The following CDK14 variants were observed in gnomAD, a reference collection of about 807,000 sequenced individuals.
CDK14 encodes the protein cyclin-dependent kinase 14.
Under a neutral mutation model 60.7 loss-of-function variants are expected in CDK14, and 34 were observed. That is an observed-to-expected ratio of 0.56 (90% CI 0.43 to 0.75). The LOEUF is 0.75. CDK14 is among the 30% of genes least tolerant of loss of function. CDK14 has a pLI of 0.00. For synonymous variants in CDK14, 197 were observed against 203.7 expected, an observed-to-expected ratio of 0.97 and a Z score of 0.28; for missense variants, 482 against 564.1, an observed-to-expected ratio of 0.85 and a Z score of 1.47.
chr7:91,127,956 T>A (rs991018734), intron 14 of CDK14, among the ~76,000 whole-genome samples: 4 of 152,212 alleles, frequency 2.6e-5, no homozygotes, highest in Admixed American at 6.5e-5. Flanking sequence ...AGCCTTTTTT[T>A]AAACATAAAT....
At chr7:91,161,007 C>T (rs1801153865) in intron 14 of CDK14, among the ~76,000 whole-genome samples, 1 of 152,110 alleles carries the variant, frequency 6.6e-6, no homozygotes, top group Admixed American at 6.5e-5. Context: ...TCTGGGAGCT[C>T]AGAGTTTAAT....
chr7:90,818,749 T>A (rs1361822973), intron 5 of CDK14, among the ~76,000 whole-genome samples: 1 of 152,214 alleles, frequency 6.6e-6, no homozygotes, highest in Non-Finnish European at 1.5e-5. Context: ...GAATTTGCAG[T>A]GTGTTTAATA....
intron 8 of CDK14, among the ~76,000 whole-genome samples, chr7:90,937,438 G>A (rs1309154706): frequency 6.6e-6 from 1 of 152,134 alleles, no homozygotes; most frequent in East Asian, 1.9e-4. Context: ...ATCAAGTTTT[G>A]TAGAACACTT....
intron 14 of CDK14, among the ~76,000 whole-genome samples, chr7:91,159,905 G>T (rs1488011431): frequency 6.6e-6 from 1 of 152,158 alleles, no homozygotes; most frequent in Non-Finnish European, 1.5e-5. Context: ...GAGCTGCTGA[G>T]TTCTGGTGAG....
chr7:90,790,728 G>T (rs965606381), intron 5 of CDK14, 76 bp downstream of exon 5: 12 of 855,654 alleles, frequency 1.4e-5, no homozygotes, highest in Non-Finnish European at 2.3e-5. Flanking sequence ...ATACACCTCT[G>T]AATATGCTGA....
rs369515639 is a variant in CDK14, at chr7:91,155,364, A to G, written c.*28+37156A>G. Among the ~76,000 whole-genome samples, 114 of 152,364 alleles carry G rather than the reference A, an allele frequency of 7.5e-4. 4 individuals are homozygous for G. In the South Asian group the frequency reaches 0.023, roughly 31 times the overall value. On this transcript the variant is annotated intron_variant, in intron 14 of 14. Coordinates refer to ENST00000380050, the MANE Select transcript of CDK14 (RefSeq NM_001287135.2). ...GAAAATTACTAATTCTAGTTAATAA[A>G]TGAAAGGTAAAAGAGTTTGCATTTT...
chr7:90,853,021 G>C (rs1429977429), intron 5 of CDK14, among the ~76,000 whole-genome samples: 1 of 152,144 alleles, frequency 6.6e-6, no homozygotes, highest in Admixed American at 6.5e-5. Flanking sequence ...ACCAAAATCT[G>C]TATTCATTTT....
chr7:90,951,312 G>A (rs1464015257), intron 8 of CDK14, among the ~76,000 whole-genome samples: 2 of 152,046 alleles, frequency 1.3e-5, no homozygotes, highest in Non-Finnish European at 2.9e-5. Context: ...AGAGAGTTGT[G>A]GGAGTTGCTC....
intron 5 of CDK14, among the ~76,000 whole-genome samples, chr7:90,819,803 T>C (rs891101925): frequency 1.3e-5 from 2 of 152,154 alleles, no homozygotes; most frequent in African/African-American, 4.8e-5. Context: ...TTTGGTAAAA[T>C]AATAATTCAA....
chr7:90,944,589 C>T (rs573019510), intron 8 of CDK14, among the ~76,000 whole-genome samples: 1 of 152,170 alleles, frequency 6.6e-6, no homozygotes, highest in South Asian at 2.1e-4. Context: ...AAAAATTAGC[C>T]AGACATAGTG....
At chr7:90,603,167 A>C (rs1799350924) in intron 1 of CDK14, among the ~76,000 whole-genome samples, 1 of 152,210 alleles carries the variant, frequency 6.6e-6, no homozygotes, top group East Asian at 1.9e-4. Context: ...TAGTAGTTTC[A>C]GATAAATTAG....
intron 10 of CDK14, among the ~76,000 whole-genome samples, chr7:90,992,043 A>G (rs1235696433): frequency 6.6e-6 from 1 of 152,256 alleles, no homozygotes; most frequent in Non-Finnish European, 1.5e-5. Flanking sequence ...TGTTGCAAAA[A>G]TAAACATTGA....
chr7:91,118,042 A>G (rs772520963), intron 13 of CDK14, 23 bp from the exon 14 acceptor site: 21 of 1,361,698 alleles, frequency 1.5e-5, no homozygotes, highest in Middle Eastern at 1.8e-4. Context: ...TATATAAATG[A>G]AAACTTCATA....
chr7:90,987,787 T>C (rs1042673484), intron 10 of CDK14, among the ~76,000 whole-genome samples: 1 of 152,110 alleles, frequency 6.6e-6, no homozygotes, highest in African/African-American at 2.4e-5. Context: ...TATTAAATAG[T>C]AATTAGATCC....
At chr7:90,729,791 C>T (rs544269577) in intron 3 of CDK14, among the ~76,000 whole-genome samples, 49 of 152,012 alleles carry the variant, frequency 3.2e-4, no homozygotes, top group African/African-American at 8.7e-4. Flanking sequence ...GAAATGGCTT[C>T]GTTTTCTCTT....
At chr7:90,934,941 CTTGT>C (rs372581552) in intron 8 of CDK14, among the ~76,000 whole-genome samples, 15 of 152,152 alleles carry the variant, frequency 9.9e-5, no homozygotes, top group African/African-American at 3.6e-4. Flanking sequence ...CATGTATTGT[CTTGT>C]TTATTTTGTA....
intron 2 of CDK14, among the ~76,000 whole-genome samples, chr7:90,605,922 C>A (rs1799407515): frequency 6.6e-6 from 1 of 152,146 alleles, no homozygotes; most frequent in South Asian, 2.1e-4. Flanking sequence ...AGGCTGGAGC[C>A]CAGCTGAAGG....
intron 10 of CDK14, among the ~76,000 whole-genome samples, chr7:91,004,107 TATAGAAGCAAATTAAATTG>T (rs745670615): frequency 2.0e-5 from 3 of 152,082 alleles, no homozygotes; most frequent in Non-Finnish European, 4.4e-5. Flanking sequence ...AAAGTAGAAG[TATAGAAGCAAATTAAATTG>T]AAAGCAAGCA....
At chr7:91,058,218 G>A (rs1382224125) in intron 11 of CDK14, among the ~76,000 whole-genome samples, 1 of 151,542 alleles carries the variant, frequency 6.6e-6, no homozygotes, top group African/African-American at 2.4e-5. Context: ...GTCTGTTGTT[G>A]GTGTATAAGA....
Sources: allele counts gnomAD v4.1 joint callset (sites outside exome capture counted in the v4.1 genomes callset), GRCh38; gene constraint gnomAD v4.1.1; transcripts MANE v1.5; gene names NCBI Gene and HGNC (gene_info 2026-07-23, HGNC 2026-07-21).